The following NFAM1 variants were observed in gnomAD, a reference collection of about 807,000 sequenced individuals.
NFAM1 encodes the protein NFAT activation molecule 1.
A neutral mutation model predicts 29.0 loss-of-function variants in NFAM1; 17 were observed. The observed-to-expected ratio is 0.59, with a 90% CI of 0.40 to 0.88. NFAM1 has a LOEUF of 0.88. Among genes scored for constraint, NFAM1 ranks in the 40% least tolerant of loss-of-function variants. The pLI, the probability that NFAM1 is intolerant of heterozygous loss-of-function variation, is 0.00. For synonymous variants in NFAM1, 175 were observed against 147.2 expected, an observed-to-expected ratio of 1.19 and a Z score of -1.36; for missense variants, 324 against 344.6, an observed-to-expected ratio of 0.94 and a Z score of 0.47.
intron 5 of NFAM1, among the ~76,000 whole-genome samples, chr22:42,386,608 C>G (rs1467122082): frequency 6.6e-6 from 1 of 152,118 alleles, no homozygotes; most frequent in Non-Finnish European, 1.5e-5. Context: ...TCTGACTGAC[C>G]ATGTGGACAC....
Position 42,432,384 on chromosome 22 carries a change from T to C in NFAM1, c.-27A>G. Reference sequence around the variant, plus strand: ...TGGGGGCCTGCTTGTCTGCGGCGACTCTTTAGTTCACAGGAGGGGACGGCC... The same window carrying C: ...TGGGGGCCTGCTTGTCTGCGGCGACCCTTTAGTTCACAGGAGGGGACGGCC... On this transcript the variant is annotated 5_prime_UTR_variant, in exon 1 of 6. Coordinates refer to ENST00000329021, the MANE Select transcript of NFAM1 (RefSeq NM_145912.8). 3 of 1,539,582 alleles carry C rather than the reference T, an allele frequency of 1.9e-6. No homozygotes were observed. Among genetic ancestry groups the C allele is most frequent in the East Asian group, 4.8e-5 (2 of 42,054 alleles).
upstream of NFAM1, among the ~76,000 whole-genome samples, chr22:42,435,761 G>A (rs1467463936): frequency 1.3e-5 from 2 of 151,620 alleles, no homozygotes; most frequent in Admixed American, 1.3e-4. Context: ...CCCTGTCCAG[G>A]GAGAAAAACA....
rs545683292 is a variant in NFAM1 at position 42,388,941 on chromosome 22, G to A, written c.664-1863C>T. 3.9e-5 allele frequency among the ~76,000 whole-genome samples: 6 copies of A among 152,268 alleles called. No homozygotes were observed. Among genetic ancestry groups the A allele is most frequent in the South Asian group, 4.1e-4 (2 of 4,822 alleles). On this transcript the variant is annotated intron_variant, in intron 4 of 5. Coordinates refer to ENST00000329021, the MANE Select transcript of NFAM1 (RefSeq NM_145912.8). This position sits in a 1 kb window ranked among gnomAD's most constrained non-coding sequence, Gnocchi z 4.1. ...CTGCCCTGCCTTGTGCGGCCTTCGT[G>A]CCTGTCCGGAGCACCAGCCACCCCA...
intron 3 of NFAM1, among the ~76,000 whole-genome samples, chr22:42,400,405 G>A (rs1489557128): frequency 6.6e-6 from 1 of 152,098 alleles, no homozygotes; most frequent in East Asian, 1.9e-4. Flanking sequence ...ATCACTTGAG[G>A]TCGGGAGTTC....
At chr22:42,434,496 C>T (rs752308443), upstream of NFAM1, among the ~76,000 whole-genome samples, 17 of 152,194 alleles carry the variant, frequency 1.1e-4, no homozygotes, top group Non-Finnish European at 1.9e-4. Flanking sequence ...TCTGCAGCCA[C>T]GCAGCCTCCT....
In NFAM1 at chr22:42,412,853, C is replaced by T. The variant is rs187621957; in HGVS notation, c.122-1117G>A. 8.9e-4 allele frequency among the ~76,000 whole-genome samples: 136 copies of T among 152,296 alleles called. 3 individuals carry two copies. The highest frequency in any genetic ancestry group is 5.9e-5 in the Non-Finnish European group (4 of 68,032). On this transcript the variant is annotated intron_variant, in intron 1 of 5. Transcript: ENST00000329021. ...AGAGGTGCTCCACGTGGGGCCATTTCGGCTGTGATCATGATGTCAATGACC... is the reference window on the plus strand; with the variant it reads ...AGAGGTGCTCCACGTGGGGCCATTTTGGCTGTGATCATGATGTCAATGACC...
chr22:42,431,775 T>TCCCCCC (rs34684252), intron 1 of NFAM1, among the ~76,000 whole-genome samples: 1 of 146,696 alleles, frequency 6.8e-6, no homozygotes, highest in African/African-American at 2.6e-5. Context: ...GGCCCTGGTA[T>TCCCCCC]CCCCCCCTCC....
chr22:42,405,173 T>G (rs117584024), intron 3 of NFAM1, among the ~76,000 whole-genome samples: 2 of 152,146 alleles, frequency 1.3e-5, no homozygotes, highest in Non-Finnish European at 2.9e-5. Context: ...TTACTAATAC[T>G]GTGATCCAGT....
chr22:42,421,113 G>C (rs905894938), intron 1 of NFAM1, among the ~76,000 whole-genome samples: 1 of 152,154 alleles, frequency 6.6e-6, no homozygotes, highest in Admixed American at 6.5e-5. Context: ...CGGACATTTT[G>C]GGAAAGGAAT....
upstream of NFAM1, among the ~76,000 whole-genome samples, chr22:42,434,185 C>T (rs1930885537): frequency 6.6e-6 from 1 of 152,176 alleles, no homozygotes; most frequent in African/African-American, 2.4e-5. Flanking sequence ...GGTTTCCACG[C>T]TTGCCTGCCT....
intron 4 of NFAM1, among the ~76,000 whole-genome samples, chr22:42,390,962 G>GT (rs1281134949): frequency 1.3e-5 from 2 of 152,154 alleles, no homozygotes; most frequent in South Asian, 2.1e-4. Context: ...CGTGGCGGTC[G>GT]TAAGAACTGC....
intron 5 of NFAM1, among the ~76,000 whole-genome samples, chr22:42,385,823 G>A (rs114334782): frequency 0.011 from 1,637 of 152,268 alleles, 27 homozygotes; most frequent in African/African-American, 0.037. Context: ...AGTATAGAAA[G>A]GGCTTTGAGA....
chr22:42,434,586 C>A (rs929698420), upstream of NFAM1, among the ~76,000 whole-genome samples: 5 of 152,214 alleles, frequency 3.3e-5, no homozygotes, highest in Admixed American at 2.6e-4. Flanking sequence ...TGGCCCTGAT[C>A]CTCCTCGGGA....
chr22:42,415,512 A>G lies in NFAM1; in HGVS notation c.122-3776T>C, dbSNP rs542176532. 7.8e-4 allele frequency among the ~76,000 whole-genome samples: 118 copies of G among 151,850 alleles called. 1 individual carries two copies. Among genetic ancestry groups the G allele is most frequent in the East Asian group, 3.5e-3 (18 of 5,150 alleles). On this transcript the variant is annotated intron_variant, in intron 1 of 5. Transcript: ENST00000329021. ...GACGGGGTTTCACCGTGTTAGCCAG[A>G]ATGGTCTCAATCTCCTGACCTCGTG...
chr22:42,435,048 C>T (rs563411590), upstream of NFAM1, among the ~76,000 whole-genome samples: 1 of 152,216 alleles, frequency 6.6e-6, no homozygotes, highest in African/African-American at 2.4e-5. Flanking sequence ...AGAGCAGTTC[C>T]GGGAAGCTTC....
intron 5 of NFAM1, among the ~76,000 whole-genome samples, chr22:42,385,559 C>T (rs564218248): frequency 5.5e-4 from 84 of 152,270 alleles, no homozygotes; most frequent in African/African-American, 1.9e-3. Context: ...ACTCTGCCTG[C>T]GGGCTCATCA....
At position 42,385,122 on chromosome 22, in the gene NFAM1, T is replaced by C. The variant is rs1929090382; in HGVS notation, c.*39A>G. On this transcript the variant is annotated 3_prime_UTR_variant, in exon 6 of 6. Coordinates refer to ENST00000329021, the MANE Select transcript of NFAM1 (RefSeq NM_145912.8). Reference sequence around the variant, plus strand: ...TTGGTGGCAGGGGCTGCCCCGGTCCTCTGACCCAGGGCAAGCTCTATGAGC... The same window carrying C: ...TTGGTGGCAGGGGCTGCCCCGGTCCCCTGACCCAGGGCAAGCTCTATGAGC... 6.4e-7 allele frequency: 1 copy of C among 1,553,258 alleles called. No individual in the cohort carries two copies. Among genetic ancestry groups the C allele is most frequent in the Non-Finnish European group, 8.9e-7 (1 of 1,125,102 alleles).
At chr22:42,421,622 C>T (rs1930449771) in intron 1 of NFAM1, among the ~76,000 whole-genome samples, 1 of 152,126 alleles carries the variant, frequency 6.6e-6, no homozygotes, top group South Asian at 2.1e-4. Context: ...CGGCTCCCCA[C>T]TGCATGGAAC....
chr22:42,428,655 G>A (rs533317319), intron 1 of NFAM1, among the ~76,000 whole-genome samples: 1 of 152,334 alleles, frequency 6.6e-6, no homozygotes, highest in South Asian at 2.1e-4. Flanking sequence ...CCACCAGGCT[G>A]AGAGTGGGGC....
Sources: gnomAD v4.1 joint callset for allele counts (sites outside exome capture counted in the v4.1 genomes callset) on GRCh38, gnomAD v4.1.1 for gene constraint, Gnocchi (gnomAD v3.1) non-coding constraint, MANE v1.5 for transcripts, NCBI Gene and HGNC (gene_info 2026-07-23, HGNC 2026-07-21) for gene names.